The following HTR5A variants were observed in gnomAD, a reference collection of about 807,000 sequenced individuals.
HTR5A encodes the protein 5-hydroxytryptamine receptor 5A.
A neutral mutation model predicts 24.3 loss-of-function variants in HTR5A; 21 were observed. The ratio of observed to expected loss-of-function variants is 0.86; its 90% CI spans 0.61 to 1.24. The LOEUF is 1.24. HTR5A is among the 50% of genes most tolerant of loss of function. The probability of loss-of-function intolerance (pLI) is 0.00; values close to 1 mark genes in which losing one functional copy is unlikely to be tolerated. For missense variants in HTR5A, 497 were observed against 489.5 expected, an observed-to-expected ratio of 1.02 and a Z score of -0.15; for synonymous variants, 260 against 213.7, an observed-to-expected ratio of 1.22 and a Z score of -1.89.
At chr7:155,072,925 G>T (rs1011423052) in intron 1 of HTR5A, among the ~76,000 whole-genome samples, 1 of 152,102 alleles carries the variant, frequency 6.6e-6, no homozygotes, top group Non-Finnish European at 1.5e-5. Flanking sequence ...GAAAACGAGG[G>T]GTCAGAGGCT....
At chr7:155,076,448 A>G (rs1157747941) in intron 1 of HTR5A, among the ~76,000 whole-genome samples, 2 of 152,198 alleles carry the variant, frequency 1.3e-5, no homozygotes, top group Non-Finnish European at 2.9e-5. Flanking sequence ...TAAGCATTGA[A>G]CAACTTGGCT....
At chr7:155,082,952 A>T (rs1795434316) in intron 1 of HTR5A, among the ~76,000 whole-genome samples, 2 of 152,196 alleles carry the variant, frequency 1.3e-5, no homozygotes, top group South Asian at 4.1e-4. Context: ...TTTAAATTTA[A>T]TCTAGTGTAC....
rs1302147405 is a variant in HTR5A at position 155,084,653 on chromosome 7, G to A, written c.*166G>A. The A allele has an allele frequency of 9.9e-6, 6 of 606,510 alleles. No individual in the cohort carries two copies. Among genetic ancestry groups the A allele is most frequent in the African/African-American group, 7.4e-5 (4 of 53,912 alleles). The allele number at this position is 606,510 out of a possible 1,614,324, so 37.6% of individuals were successfully genotyped here. A position where few individuals can be genotyped will look rare whatever the true frequency, so the allele number is the denominator to read the frequency against. ...GGCCTCTTTTCCACCTCCTCAGTAG[G>A]AATATGACTCCTCATAGAGTTACGG... On this transcript the variant is annotated 3_prime_UTR_variant, in exon 2 of 2. Coordinates refer to ENST00000287907, the MANE Select transcript of HTR5A (RefSeq NM_024012.4).
Position 155,075,128 on chromosome 7 carries a change from G to C in HTR5A, c.741+3488G>C, listed in dbSNP as rs74796236. ...GAGTTGCCCTTGATCAGTAGACTAA[G>C]TCTAAAACTTGTTCCGGGCTAAAGA... On this transcript the variant is annotated intron_variant, in intron 1 of 1. Coordinates refer to ENST00000287907, the MANE Select transcript of HTR5A (RefSeq NM_024012.4). Among the ~76,000 whole-genome samples the C allele has an allele frequency of 8.0e-3, 1,222 of 152,306 alleles. 17 individuals carry two copies. The highest frequency in any genetic ancestry group is 0.028 in the African/African-American group (1,149 of 41,550).
Position 155,086,935 on chromosome 7 carries a change from A to G in HTR5A, c.*2448A>G, listed in dbSNP as rs563170601. ...AACAACCACCTTTATTAGATGGTGC[A>G]CCTAGAGAAGGCTGGAGGGTTTCCT... is the stretch of plus-strand genomic sequence containing the variant. On this transcript the variant is annotated 3_prime_UTR_variant, in exon 2 of 2. Transcript: ENST00000287907. Among the ~76,000 whole-genome samples the G allele has an allele frequency of 1.3e-5, 2 of 152,300 alleles. No homozygotes were observed. Among genetic ancestry groups the G allele is most frequent in the South Asian group, 4.1e-4 (2 of 4,824 alleles).
chr7:155,070,940 C>A lies in HTR5A; in HGVS notation c.41C>A (p.Thr14Asn). ...AACCTAACCTCCTTTTCCCTCTCCA[C>A]CCCCTCCCCTTTGGAGACCAACCAC... ...PVNLTSFSLSTPSPLETNHSL... is the reference protein window; with the variant it reads ...PVNLTSFSLSNPSPLETNHSL... Residue 14 changes from threonine (T) to asparagine (N), a missense_variant, in exon 1 of 2, where the codon ACC (threonine) becomes AAC (asparagine). Physicochemically the swap from Thr to Asn is moderately conservative, Grantham distance 65. Transcript: ENST00000287907. 6.2e-7 allele frequency: 1 copy of A among 1,607,888 alleles called. No homozygotes were observed. The highest frequency in any genetic ancestry group is 8.5e-7 in the Non-Finnish European group (1 of 1,179,704).
rs1374191124 is a variant in HTR5A at position 155,071,616 on chromosome 7, C to G, written c.717C>G (p.Val239=). The part of the protein sequence containing the change: ...FRVGSRKTNS[V]SPISEAVEVK... ...TGGGCTCCAGGAAGACCAATAGCGTCTCACCCATATCCGAAGCTGTGGAGG... is the reference window on the plus strand; with the variant it reads ...TGGGCTCCAGGAAGACCAATAGCGTGTCACCCATATCCGAAGCTGTGGAGG... The change falls in exon 1 of 2, where the codon GTC becomes GTG. Residue 239 remains valine, a synonymous_variant. Transcript: ENST00000287907. 1 of 1,613,994 alleles carries G rather than the reference C, an allele frequency of 6.2e-7. No individual in the cohort carries two copies. Among genetic ancestry groups the G allele is most frequent in the Non-Finnish European group, 8.5e-7 (1 of 1,180,008 alleles).
chr7:155,074,947 C>G (rs537569906), intron 1 of HTR5A, among the ~76,000 whole-genome samples: 1 of 152,286 alleles, frequency 6.6e-6, no homozygotes, highest in Middle Eastern at 3.4e-3. Context: ...AGGTTTGAAG[C>G]CTTTTACACA....
At chr7:155,075,412 T>C (rs1005509747) in intron 1 of HTR5A, among the ~76,000 whole-genome samples, 1 of 152,234 alleles carries the variant, frequency 6.6e-6, no homozygotes, top group African/African-American at 2.4e-5. Flanking sequence ...GCATGTAAAG[T>C]TCCGAACAAC....
At chr7:155,071,772 G>C in intron 1 of HTR5A, 132 bp downstream of exon 1, 1 of 865,028 alleles carries the variant, frequency 1.2e-6, no homozygotes, top group Non-Finnish European at 1.8e-6. Context: ...GAGTAAACTG[G>C]GAGAGTGGAA....
In HTR5A at chr7:155,086,572, A is replaced by G. The variant is rs1193282286; in HGVS notation, c.*2085A>G. Among the ~76,000 whole-genome samples the G allele has an allele frequency of 1.3e-5, 2 of 152,218 alleles. No homozygotes were observed. The highest frequency in any genetic ancestry group is 4.8e-5 in the African/African-American group (2 of 41,468). On this transcript the variant is annotated 3_prime_UTR_variant, in exon 2 of 2. Coordinates refer to ENST00000287907, the MANE Select transcript of HTR5A (RefSeq NM_024012.4). Reference sequence around the variant, plus strand: ...ATAAGCCTCATTATTCTTATCACTCAATATGTATTTAACACCTCTCAGGTG... The same window carrying G: ...ATAAGCCTCATTATTCTTATCACTCGATATGTATTTAACACCTCTCAGGTG...
At position 155,071,154 on chromosome 7, in the gene HTR5A, G is replaced by T. The variant is rs765107082; in HGVS notation, c.255G>T (p.Ser85=). 3 of 1,603,834 alleles carry T rather than the reference G, an allele frequency of 1.9e-6. No homozygotes were observed. The highest frequency in any genetic ancestry group is 1.6e-4 in the Middle Eastern group (1 of 6,084). The stretch of plus-strand genomic sequence containing the variant: ...ACCTGGTGGCATCCATGGCCGTCTC[G>T]GATGTCCTGGTGGCCGCGCTGGTCA... ...PHNLVASMAV[S]DVLVAALVMP... The change falls in exon 1 of 2, where the codon TCG becomes TCT. Residue 85 remains serine (S), a synonymous_variant. Transcript: ENST00000287907.
At chr7:155,075,562 C>A (rs1180917694) in intron 1 of HTR5A, among the ~76,000 whole-genome samples, 6 of 152,226 alleles carry the variant, frequency 3.9e-5, no homozygotes, top group Admixed American at 3.9e-4. Flanking sequence ...TGACCCAAGA[C>A]TTCCCAGCTT....
chr7:155,077,484 G>A (rs1359189767), intron 1 of HTR5A, among the ~76,000 whole-genome samples: 2 of 121,212 alleles, frequency 1.7e-5, no homozygotes, highest in Non-Finnish European at 3.2e-5. Context: ...TTTTTTTTGA[G>A]ACAGAGTCTC....
intron 1 of HTR5A, among the ~76,000 whole-genome samples, chr7:155,082,528 G>A (rs1205470207): frequency 6.6e-6 from 1 of 152,186 alleles, no homozygotes; most frequent in Non-Finnish European, 1.5e-5. Flanking sequence ...GTGTGACCAT[G>A]TCTCAAGTAT....
At position 155,070,992 on chromosome 7, in the gene HTR5A, C is replaced by A. The variant is rs1244699205; in HGVS notation, c.93C>A (p.Pro31=). 1.9e-6 allele frequency: 3 copies of A among 1,611,970 alleles called. No homozygotes were observed. The East Asian group carries it at 6.7e-5, about 36-fold the overall frequency. The change falls in exon 1 of 2, where the codon CCC becomes CCA. Residue 31 remains proline (P), a synonymous_variant. Transcript: ENST00000287907. ...GCCTCGGCAAAGACGACCTGCGCCC[C>A]AGCTCGCCCCTGCTCTCGGTCTTCG... ...NHSLGKDDLR[P]SSPLLSVFGV...
intron 1 of HTR5A, 37 bp from the exon 2 acceptor site, chr7:155,084,118 G>T (rs114114647): frequency 1.3e-6 from 2 of 1,512,676 alleles, no homozygotes; most frequent in African/African-American, 1.4e-5. Context: ...GGTAGACTGA[G>T]GTGGCTCCTC....
intron 1 of HTR5A, among the ~76,000 whole-genome samples, chr7:155,081,531 C>A (rs747555946): frequency 1.3e-5 from 2 of 152,188 alleles, no homozygotes; most frequent in African/African-American, 2.4e-5. Flanking sequence ...ACTTTATGTG[C>A]ATTTCAGAGA....
In HTR5A at chr7:155,071,611, A is replaced by G. The variant is rs774437570; in HGVS notation, c.712A>G (p.Ser238Gly). 1 of 1,614,152 alleles carries G rather than the reference A, an allele frequency of 6.2e-7. No homozygotes were observed. The highest frequency in any genetic ancestry group is 8.5e-7 in the Non-Finnish European group (1 of 1,180,030). Residue 238 changes from serine to glycine, a missense_variant, in exon 1 of 2, where the codon AGC becomes GGC. By Grantham distance (56) the Ser-to-Gly change is moderately conservative. Coordinates refer to ENST00000287907, the MANE Select transcript of HTR5A (RefSeq NM_024012.4). ...KFRVGSRKTNSVSPISEAVEV... is the reference protein window; with the variant it reads ...KFRVGSRKTNGVSPISEAVEV... ...CCGCGTGGGCTCCAGGAAGACCAATAGCGTCTCACCCATATCCGAAGCTGT... is the reference window on the plus strand; with the variant it reads ...CCGCGTGGGCTCCAGGAAGACCAATGGCGTCTCACCCATATCCGAAGCTGT...
Sources: allele counts gnomAD v4.1 joint callset (sites outside exome capture counted in the v4.1 genomes callset), GRCh38; gene constraint gnomAD v4.1.1; transcripts MANE v1.5; gene names NCBI Gene and HGNC (gene_info 2026-07-23, HGNC 2026-07-21).